The following FRAS1 variants were observed in gnomAD, a reference collection of about 807,000 sequenced individuals.
The protein encoded by FRAS1 is extracellular matrix organizing protein FRAS1.
Under a neutral mutation model 435.2 loss-of-function variants are expected in FRAS1, and 290 were observed. The ratio of observed to expected loss-of-function variants is 0.67; its 90% confidence interval spans 0.61 to 0.73. The LOEUF (loss-of-function observed/expected upper bound fraction) is 0.73. Ranked by LOEUF, FRAS1 falls within the 30% of genes least tolerant of loss-of-function variation. The pLI is 0.00. For missense variants in FRAS1, 4,860 were observed against 5,001.5 expected (o/e 0.97, Z 0.85); for synonymous variants, 1,800 against 1,851.0 (o/e 0.97, Z 0.71).
At chr4:78,181,292 A>G in intron 2 of FRAS1, 2 of 1,606,030 alleles carry the variant, frequency 1.2e-6, no homozygotes, top group Non-Finnish European at 1.7e-6. Context: ...AGTGTCTGCC[A>G]CTGGATGATG....
chr4:78,451,097 T>C (rs1719007095), intron 45 of FRAS1, among the ~76,000 whole-genome samples: 1 of 151,912 alleles, frequency 6.6e-6, no homozygotes, highest in Admixed American at 6.6e-5. Flanking sequence ...GGAAAGTAAT[T>C]CCTTAATTAT....
intron 2 of FRAS1, among the ~76,000 whole-genome samples, chr4:78,096,381 T>C (rs983098570): frequency 3.9e-5 from 6 of 152,190 alleles, no homozygotes; most frequent in African/African-American, 1.4e-4. Context: ...GTCTGGAGGA[T>C]GGTGGCCCTC....
chr4:78,293,137 G>T (rs886930944), intron 14 of FRAS1, among the ~76,000 whole-genome samples: 2 of 152,128 alleles, frequency 1.3e-5, no homozygotes, highest in African/African-American at 4.8e-5. Flanking sequence ...GGAGGAGAGT[G>T]CCTCTAAACA....
At chr4:78,533,393 A>T (rs1379107884) in intron 70 of FRAS1, among the ~76,000 whole-genome samples, 1 of 152,208 alleles carries the variant, frequency 6.6e-6, no homozygotes, top group Non-Finnish European at 1.5e-5. Flanking sequence ...CAGAGACTGA[A>T]AGAAGGCCAG....
At chr4:78,201,353 T>C (rs982734130) in intron 2 of FRAS1, among the ~76,000 whole-genome samples, 2 of 152,232 alleles carry the variant, frequency 1.3e-5, no homozygotes, top group Admixed American at 1.3e-4. Flanking sequence ...AACAAAATAC[T>C]AGTTAATTGG....
chr4:78,308,043 C>T, intron 14 of FRAS1, 23 bp from the exon 15 acceptor site: 1 of 1,575,508 alleles, frequency 6.3e-7, no homozygotes, highest in Non-Finnish European at 8.6e-7. Flanking sequence ...AGATTACTCA[C>T]TGATTTTGCT....
intron 1 of FRAS1, among the ~76,000 whole-genome samples, chr4:78,062,574 A>G (rs528566181): frequency 6.6e-6 from 1 of 152,206 alleles, no homozygotes; most frequent in Admixed American, 6.5e-5. Flanking sequence ...TAACTTCTCT[A>G]ATTTACTCAG....
chr4:78,334,452 C>G (rs553074334), intron 19 of FRAS1, among the ~76,000 whole-genome samples: 1 of 144,604 alleles, frequency 6.9e-6, no homozygotes, highest in Non-Finnish European at 1.5e-5. Flanking sequence ...CTCACTGCAA[C>G]CTCCGCTTCC....
intron 2 of FRAS1, among the ~76,000 whole-genome samples, chr4:78,103,721 T>C (rs1412614638): frequency 6.6e-6 from 1 of 152,110 alleles, no homozygotes; most frequent in Non-Finnish European, 1.5e-5. Context: ...GAGGACACAG[T>C]GAAAAGTCAT....
intron 10 of FRAS1, among the ~76,000 whole-genome samples, chr4:78,279,760 A>G (rs1399661504): frequency 6.6e-6 from 1 of 152,154 alleles, no homozygotes; most frequent in Non-Finnish European, 1.5e-5. Context: ...TGATAAATTC[A>G]TTATGTTTTT....
chr4:78,289,077 T>C (rs1727756766), intron 14 of FRAS1, among the ~76,000 whole-genome samples: 1 of 152,110 alleles, frequency 6.6e-6, no homozygotes, highest in Non-Finnish European at 1.5e-5. Context: ...TTACCAGAAA[T>C]CACCTGATTA....
At chr4:78,108,912 G>A (rs1742538327) in intron 2 of FRAS1, among the ~76,000 whole-genome samples, 1 of 116,478 alleles carries the variant, frequency 8.6e-6, no homozygotes, top group African/African-American at 3.6e-5. Context: ...AATGATAAAG[G>A]GGATATCACC....
At chr4:78,458,802 C>T (rs564771455) in intron 47 of FRAS1, among the ~76,000 whole-genome samples, 4 of 152,282 alleles carry the variant, frequency 2.6e-5, no homozygotes, top group Admixed American at 1.3e-4. Flanking sequence ...TGTCATCCAC[C>T]ATTTTATCTG....
At chr4:78,194,236 G>T (rs1251185600) in intron 2 of FRAS1, among the ~76,000 whole-genome samples, 2 of 152,092 alleles carry the variant, frequency 1.3e-5, no homozygotes, top group Admixed American at 6.6e-5. Flanking sequence ...TGGTGAATCT[G>T]ACAGTTAGGT....
At position 78,475,305 on chromosome 4, in the gene FRAS1, C is replaced by A. The variant is rs1363419644; in HGVS notation, c.7683-133C>A. On this transcript the variant is annotated intron_variant, in intron 53 of 73. Transcript: ENST00000512123. ...ATTCCCTCAATTTACAGCCTGGATT[C>A]TTAGAGGAACCAAACTTCCTCTTCT... 20 of 858,246 alleles carry A rather than the reference C, an allele frequency of 2.3e-5. No individual in the cohort carries two copies. The East Asian group carries it at 5.1e-4, about 22-fold the overall frequency. 53.2% of individuals were successfully genotyped at this position (858,246 alleles called of 1,614,324 possible). A position where few individuals can be genotyped will look rare whatever the true frequency, so the allele number is the denominator to read the frequency against.
Position 78,178,366 on chromosome 4 carries a change from C to T in FRAS1, c.109-59144C>T, listed in dbSNP as rs1008246332. On this transcript the variant is annotated intron_variant, in intron 2 of 73. Transcript: ENST00000512123. ...CAAGATTCCATGACATTCTAGGCTT[C>T]GTAGTTTTCAGTCCTTTTTCTTAAA... Among the ~76,000 whole-genome samples the T allele has an allele frequency of 6.6e-5, 10 of 152,234 alleles. No homozygotes were observed. The South Asian group carries it at 1.7e-3, about 25-fold the overall frequency.
At chr4:78,389,353 T>G (rs1252889750) in intron 29 of FRAS1, among the ~76,000 whole-genome samples, 3 of 152,262 alleles carry the variant, frequency 2.0e-5, no homozygotes, top group Non-Finnish European at 1.5e-5. Context: ...ACTTGTCACT[T>G]TCTCATCAGT....
chr4:78,252,437 A>G lies in FRAS1; in HGVS notation c.355A>G (p.Asn119Asp). The G allele has an allele frequency of 6.2e-7, 1 of 1,613,644 alleles. No individual in the cohort carries two copies. Among genetic ancestry groups the G allele is most frequent in the Non-Finnish European group, 8.5e-7 (1 of 1,179,800 alleles). Residue 119 changes from asparagine (N) to aspartate (D), a missense_variant, in exon 5 of 74, where the codon AAT (asparagine) becomes GAT (aspartate). Asn to Asp is a conservative substitution (Grantham distance 23, BLOSUM62 1). Transcript: ENST00000512123. The part of the protein sequence containing the change: ...ASSPCSVCSC[N>D]HGEVRCTPQP... ...TTCTCCATGTAGTGTGTGCTCTTGC[A>G]ATCATGGGGAAGTCCGATGTACCCC...
intron 2 of FRAS1, among the ~76,000 whole-genome samples, chr4:78,096,759 G>A (rs1336621764): frequency 2.0e-5 from 3 of 152,212 alleles, no homozygotes; most frequent in Non-Finnish European, 4.4e-5. Flanking sequence ...CCTGGGCCTG[G>A]CCCACGAAAC....
Sources: gnomAD v4.1 joint callset for allele counts (sites outside exome capture counted in the v4.1 genomes callset) on GRCh38, gnomAD v4.1.1 for gene constraint, MANE v1.5 for transcripts, NCBI Gene and HGNC (gene_info 2026-07-23, HGNC 2026-07-21) for gene names.